Variants in FADS6 observed in about 807,000 individuals in gnomAD.
FADS6 encodes fatty acid desaturase domain family, member 6.
A neutral mutation model predicts 31.7 loss-of-function variants in FADS6; 28 were observed. The ratio of observed to expected loss-of-function variants is 0.88; its 90% CI spans 0.66 to 1.21. The LOEUF (loss-of-function observed/expected upper bound fraction) is 1.21. Among genes scored for constraint, FADS6 ranks in the 50% most tolerant of loss-of-function variants. The probability of loss-of-function intolerance (pLI) is 0.00; values close to 1 mark genes in which losing one functional copy is unlikely to be tolerated. For missense variants in FADS6, 494 were observed against 504.2 expected (o/e 0.98, Z 0.19); for synonymous variants, 191 against 213.1 (o/e 0.90, Z 0.90).
intron 2 of FADS6, among the ~76,000 whole-genome samples, chr17:74,888,152 A>ACGCGCG (rs201377510): frequency 2.4e-5 from 3 of 124,300 alleles, no homozygotes; most frequent in African/African-American, 1.1e-4. Flanking sequence ...ACACACACAC[A>ACGCGCG]CACGCGCGCG....
rs908104232 is a variant in FADS6, at chr17:74,878,250, C to A, written c.*81G>T. The A allele has an allele frequency of 3.4e-5, 51 of 1,497,828 alleles. No individual in the cohort carries two copies. The highest frequency in any genetic ancestry group is 3.7e-5 in the Non-Finnish European group (42 of 1,122,758). 92.8% of individuals were successfully genotyped at this position (1,497,828 alleles called of 1,614,324 possible). On this transcript the variant is annotated 3_prime_UTR_variant, in exon 6 of 6. Transcript: ENST00000612771. ...TCCAGGTCCACCACCAGCCACTGAGCCACACCCCCTGGACCAGCAGCAGCA... is the reference window on the plus strand; with the variant it reads ...TCCAGGTCCACCACCAGCCACTGAGACACACCCCCTGGACCAGCAGCAGCA...
At chr17:74,888,135 C>G (rs1381172618) in intron 2 of FADS6, among the ~76,000 whole-genome samples, 1 of 79,660 alleles carries the variant, frequency 1.3e-5, no homozygotes, top group African/African-American at 6.0e-5. Context: ...ACCACACACA[C>G]ACACACACAC....
In FADS6 at chr17:74,892,531, A is replaced by C; in HGVS notation, c.403T>G (p.Phe135Val). 6.2e-7 allele frequency: 1 copy of C among 1,612,614 alleles called. No homozygotes were observed. The highest frequency in any genetic ancestry group is 8.5e-7 in the Non-Finnish European group (1 of 1,179,310). Residue 135 changes from phenylalanine to valine, a missense_variant, in exon 2 of 6, where the codon TTT becomes GTT. By Grantham distance (50) the Phe-to-Val change is conservative. Coordinates refer to ENST00000612771, the MANE Select transcript of FADS6 (RefSeq NM_178128.6). ...CCTTCTCCCAGGCTCACCTCCACAAAGAAAAGCAGCCAGATCTTGCTCCAG... is the reference window on the plus strand; with the variant it reads ...CCTTCTCCCAGGCTCACCTCCACAACGAAAAGCAGCCAGATCTTGCTCCAG... ...KRWSKIWLLF[F>V]VEVCTAFTAE...
Position 74,878,191 on chromosome 17 carries a change from C to A in FADS6, c.*140G>T, listed in dbSNP as rs1251362015. On this transcript the variant is annotated 3_prime_UTR_variant, in exon 6 of 6. Coordinates refer to ENST00000612771, the MANE Select transcript of FADS6 (RefSeq NM_178128.6). ...GGCCCCCAGACCCCAGGCCTGAGCT[C>A]CCCTGCCCCCCTGCCTGGCCGGTGC... is the stretch of plus-strand genomic sequence containing the variant. The A allele has an allele frequency of 2.8e-5, 40 of 1,438,900 alleles. No individual in the cohort carries two copies. Among genetic ancestry groups the A allele is most frequent in the Non-Finnish European group, 3.5e-5 (39 of 1,100,678 alleles). 89.1% of individuals were successfully genotyped at this position (1,438,900 alleles called of 1,614,324 possible).
chr17:74,886,176 T>C (rs9915098), intron 2 of FADS6, among the ~76,000 whole-genome samples: 102,080 of 148,652 alleles, frequency 0.69, 35,128 homozygotes, highest in South Asian at 0.74. Context: ...GAGGTGGAGC[T>C]TGCAGTGAGC....
intron 2 of FADS6, among the ~76,000 whole-genome samples, chr17:74,888,174 AGAGTACCAATGT>A (rs2038650264): frequency 7.0e-6 from 1 of 143,530 alleles, no homozygotes; most frequent in African/African-American, 2.6e-5. Flanking sequence ...GCGCGCGCGC[AGAGTACCAATGT>A]CCGTTTCCTT....
At position 74,882,022 on chromosome 17, in the gene FADS6, G is replaced by A. The variant is rs1209595006; in HGVS notation, c.592+508C>T. Among the ~76,000 whole-genome samples the A allele has an allele frequency of 4.1e-5, 6 of 146,724 alleles. No homozygotes were observed. In the East Asian group the frequency reaches 6.2e-4, roughly 15 times the overall value. ...GAGATCTCGGCTCACTGCAACCTCC[G>A]CCTCCTGGGTTCAAGTGATTCTCCT... On this transcript the variant is annotated intron_variant, in intron 3 of 5. Transcript: ENST00000612771.
intron 2 of FADS6, among the ~76,000 whole-genome samples, chr17:74,887,499 G>A (rs980549876): frequency 1.3e-5 from 2 of 152,170 alleles, no homozygotes; most frequent in African/African-American, 4.8e-5. Context: ...CATTCTGCCT[G>A]CCCCAGTCAC....
intron 2 of FADS6, among the ~76,000 whole-genome samples, chr17:74,889,933 G>C (rs2038670637): frequency 6.7e-6 from 1 of 149,136 alleles, no homozygotes; most frequent in Non-Finnish European, 1.5e-5. Flanking sequence ...CCTTGCAGCT[G>C]ACCACATTAA....
chr17:74,877,267 G>C (rs1000843831), downstream of FADS6: 1 of 150,612 alleles, frequency 6.6e-6, no homozygotes, highest in Non-Finnish European at 1.5e-5. Flanking sequence ...CAAACTGTTT[G>C]AACTAGCCAA....
At chr17:74,886,624 G>A (rs1157743763) in intron 2 of FADS6, among the ~76,000 whole-genome samples, 1 of 152,174 alleles carries the variant, frequency 6.6e-6, no homozygotes, top group African/African-American at 2.4e-5. Flanking sequence ...TCTGAATCAT[G>A]TAAACACATT....
downstream of FADS6, among the ~76,000 whole-genome samples, chr17:74,875,171 T>C (rs1213648351): frequency 3.3e-5 from 5 of 152,220 alleles, no homozygotes; most frequent in Admixed American, 1.3e-4. Context: ...TTACTAGCTA[T>C]ATGACATTGA....
intron 2 of FADS6, 74 bp downstream of exon 2, chr17:74,892,449 G>A (rs957981468): frequency 2.2e-5 from 34 of 1,516,514 alleles, no homozygotes; most frequent in African/African-American, 2.8e-5. Flanking sequence ...GGACACACCC[G>A]CATGCTCGAA....
At chr17:74,887,847 G>A (rs991813814) in intron 2 of FADS6, among the ~76,000 whole-genome samples, 3 of 152,164 alleles carry the variant, frequency 2.0e-5, no homozygotes, top group East Asian at 3.9e-4. Context: ...CACCACGCCC[G>A]GCTACCTTTT....
chr17:74,891,946 G>A (rs2038693396), intron 2 of FADS6, among the ~76,000 whole-genome samples: 1 of 152,198 alleles, frequency 6.6e-6, no homozygotes, highest in African/African-American at 2.4e-5. Flanking sequence ...GGGGAGGCCT[G>A]GAGACCAGTC....
chr17:74,892,087 G>A (rs1476417923), intron 2 of FADS6, among the ~76,000 whole-genome samples: 1 of 152,206 alleles, frequency 6.6e-6, no homozygotes, highest in Admixed American at 6.5e-5. Context: ...ACTTCCTGGA[G>A]CTGACCCCGG....
intron 2 of FADS6, among the ~76,000 whole-genome samples, chr17:74,889,847 G>A (rs2038668999): frequency 8.9e-6 from 1 of 112,934 alleles, no homozygotes. Context: ...CTGAAGCCTG[G>A]GCAACAGAGT....
intron 2 of FADS6, among the ~76,000 whole-genome samples, chr17:74,888,138 ACACACACACACACACACG>A (rs1311549783): frequency 0.032 from 3,505 of 108,784 alleles, 215 homozygotes; most frequent in East Asian, 0.23. Context: ...ACACACACAC[ACACACACACACACACACG>A]CGCGCGCGCG....
intron 1 of FADS6, among the ~76,000 whole-genome samples, 175 bp downstream of exon 1, chr17:74,893,177 G>A (rs2038711070): frequency 6.6e-6 from 1 of 151,064 alleles, no homozygotes; most frequent in Non-Finnish European, 1.5e-5. Context: ...GGTTCGGGGT[G>A]TGACCCTCCA....
Sources: allele counts gnomAD v4.1 joint callset (sites outside exome capture counted in the v4.1 genomes callset), GRCh38; gene constraint gnomAD v4.1.1; transcripts MANE v1.5; gene names NCBI Gene and HGNC (gene_info 2026-07-23, HGNC 2026-07-21).